Variants in ACOT11 observed in about 807,000 individuals in gnomAD.
The protein encoded by ACOT11 is acyl-CoA thioesterase 11.
ACOT11 carries 69 observed loss-of-function variants against 77.5 expected under a neutral mutation model. That is an observed-to-expected ratio of 0.89 (90% CI 0.73 to 1.09). The LOEUF is 1.09. Ranked by LOEUF, ACOT11 falls within the 50% of genes least tolerant of loss-of-function variation. The pLI is 0.00. For missense variants in ACOT11, 766 were observed against 813.7 expected (o/e 0.94, Z 0.71); for synonymous variants, 279 against 313.0 (o/e 0.89, Z 1.15).
chr1:54,592,981 G>T (rs1654765526), intron 4 of ACOT11, among the ~76,000 whole-genome samples: 2 of 152,224 alleles, frequency 1.3e-5, no homozygotes, highest in Non-Finnish European at 2.9e-5. Flanking sequence ...GGGGCAGGGA[G>T]AGTGCTGGGT....
chr1:54,615,982 G>A lies in ACOT11; in HGVS notation c.1629+7914G>A, dbSNP rs1262291777. ...TGCACATGCTGCCCCAGGGCCAGAG[G>A]GCTGGGGGCCGGAGAGGGTTTCCAG... is the stretch of plus-strand genomic sequence containing the variant. On this transcript the variant is annotated intron_variant, in intron 15 of 16. Transcript: ENST00000371316. 4 of 1,607,728 alleles carry A rather than the reference G, an allele frequency of 2.5e-6. No individual in the cohort carries two copies. In the East Asian group the frequency reaches 6.7e-5, roughly 27 times the overall value.
rs1234305189 is a variant in ACOT11 at position 54,607,951 on chromosome 1, T to C, written c.1512T>C (p.Tyr504=). ...CCCTTCCTTCACTCAGGGACCCCTA[T>C]GTCATCGCGCTGAGGTCGGTCACGC... ...RRKPCDNGDP[Y]VIALRSVTLP... The change falls in exon 15 of 16, where the codon TAT becomes TAC. Residue 504 remains tyrosine, a synonymous_variant. Coordinates refer to ENST00000343744, the MANE Select transcript of ACOT11 (RefSeq NM_147161.4). This position sits in a 1 kb window ranked among gnomAD's most constrained non-coding sequence, Gnocchi z 4.5. The C allele has an allele frequency of 1.2e-6, 2 of 1,613,780 alleles. No homozygotes were observed. The highest frequency in any genetic ancestry group is 1.1e-5 in the South Asian group (1 of 91,066).
At chr1:54,623,981 A>G (rs939358043) in intron 15 of ACOT11, among the ~76,000 whole-genome samples, 3 of 152,212 alleles carry the variant, frequency 2.0e-5, no homozygotes, top group Admixed American at 1.3e-4. Context: ...ATCTGAGATT[A>G]TGGTTAACAG....
At chr1:54,576,491 TAAAAA>T (rs71581820) in intron 1 of ACOT11, among the ~76,000 whole-genome samples, 3 of 68,370 alleles carry the variant, frequency 4.4e-5, no homozygotes, top group East Asian at 7.3e-4. Context: ...GAGCAAGATC[TAAAAA>T]AAAAAAAAAA....
At chr1:54,568,957 T>A (rs534660596) in intron 1 of ACOT11, among the ~76,000 whole-genome samples, 2 of 151,560 alleles carry the variant, frequency 1.3e-5, no homozygotes, top group South Asian at 2.1e-4. Flanking sequence ...AATAAAAAAT[T>A]AAAATTAGCT....
intron 3 of ACOT11, among the ~76,000 whole-genome samples, chr1:54,589,272 C>A (rs1448276654): frequency 6.6e-6 from 1 of 150,412 alleles, no homozygotes; most frequent in Non-Finnish European, 1.5e-5. Flanking sequence ...TTACCTTGGC[C>A]TCCCAAAGTG....
chr1:54,602,530 G>C, intron 9 of ACOT11, 139 bp from the exon 10 acceptor site: 1 of 772,868 alleles, frequency 1.3e-6, no homozygotes, highest in South Asian at 2.7e-5. Flanking sequence ...TTGCTGGCCA[G>C]GATGTTTTGA....
intron 1 of ACOT11, among the ~76,000 whole-genome samples, chr1:54,561,194 A>G (rs2100945744): frequency 7.1e-6 from 1 of 140,046 alleles, no homozygotes; most frequent in South Asian, 2.5e-4. Flanking sequence ...AGGGAAGGTC[A>G]GCAGATAAAC....
At chr1:54,562,912 C>G (rs2100950202) in intron 1 of ACOT11, among the ~76,000 whole-genome samples, 1 of 142,082 alleles carries the variant, frequency 7.0e-6, no homozygotes, top group East Asian at 2.1e-4. Context: ...AGACGCTCCT[C>G]ACTTTCCAGA....
chr1:54,606,920 A>G (rs1644032870), intron 13 of ACOT11, among the ~76,000 whole-genome samples: 1 of 152,196 alleles, frequency 6.6e-6, no homozygotes, highest in African/African-American at 2.4e-5. Context: ...ACTTGCATGC[A>G]TGTCTACATG....
At chr1:54,615,403 T>TA (rs1305879458) in intron 15 of ACOT11, among the ~76,000 whole-genome samples, 1 of 152,092 alleles carries the variant, frequency 6.6e-6, no homozygotes, top group African/African-American at 2.4e-5. Context: ...CACGGAGGGT[T>TA]AAAAGAGAGG....
At chr1:54,580,346 A>T (rs2100973550) in intron 1 of ACOT11, among the ~76,000 whole-genome samples, 1 of 152,150 alleles carries the variant, frequency 6.6e-6, no homozygotes, top group East Asian at 1.9e-4. Flanking sequence ...CTGTGATCTC[A>T]GCTGGCTTAT....
rs1421326459 is a variant in ACOT11 at position 54,597,394 on chromosome 1, A to ATG, written c.746_747dup (p.Ala250TrpfsTer16). The ATG allele has an allele frequency of 5.0e-6, 8 of 1,613,082 alleles. No individual in the cohort carries two copies. The highest frequency in any genetic ancestry group is 5.1e-6 in the Non-Finnish European group (6 of 1,179,714). ...GGCCAGATCATGGCCTGGATGGAGA[A>ATG]TGTGGCCACCATTGCAGCCAGGTGA... On this transcript the variant is annotated frameshift_variant, in exon 7 of 16. Coordinates refer to ENST00000343744, the MANE Select transcript of ACOT11 (RefSeq NM_147161.4). LOFTEE classifies it high-confidence loss of function.
At chr1:54,595,530 C>T (rs1654870123) in intron 6 of ACOT11, among the ~76,000 whole-genome samples, 1 of 152,144 alleles carries the variant, frequency 6.6e-6, no homozygotes, top group Non-Finnish European at 1.5e-5. Flanking sequence ...TCCCCAGAAG[C>T]ATCTACTATT....
In ACOT11 at chr1:54,597,341, C is replaced by G. The variant is rs750416407; in HGVS notation, c.690C>G (p.His230Gln). Residue 230 changes from histidine to glutamine, a missense_variant, in exon 7 of 16, where the codon CAC (histidine) becomes CAG (glutamine). Coordinates refer to ENST00000343744, the MANE Select transcript of ACOT11 (RefSeq NM_147161.4). ...GTGTGGAGCTGGTCCTGCCTCCCCA[C>G]GCCAATCACCAGGGCAACACCTTTG... ...VESVELVLPP[H>Q]ANHQGNTFGG... is the part of the protein sequence containing the mutation. 2 of 1,613,948 alleles carry G rather than the reference C, an allele frequency of 1.2e-6. No homozygotes were observed. The highest frequency in any genetic ancestry group is 1.7e-6 in the Non-Finnish European group (2 of 1,179,998).
At chr1:54,610,461 C>T, downstream of ACOT11, 1 of 1,613,170 alleles carries the variant, frequency 6.2e-7, no homozygotes, top group African/African-American at 1.3e-5. Context: ...CGTCAGGAAC[C>T]AGCCACTCCA....
At chr1:54,589,981 C>T (rs930461514) in intron 3 of ACOT11, among the ~76,000 whole-genome samples, 7 of 151,708 alleles carry the variant, frequency 4.6e-5, no homozygotes, top group South Asian at 2.1e-4. Flanking sequence ...CCAGCTACTC[C>T]GGAGGCTAAG....
In ACOT11 at chr1:54,585,197, C is replaced by G. The variant is rs1321413588; in HGVS notation, c.241+335C>G. Among the ~76,000 whole-genome samples, 3 of 152,190 alleles carry G rather than the reference C, an allele frequency of 2.0e-5. No homozygotes were observed. The South Asian group carries it at 6.2e-4, about 32-fold the overall frequency. The stretch of plus-strand genomic sequence containing the variant: ...GACTGCCTGCCCTGCAGCGCTCCTT[C>G]CCTTGAGTTGAGGTGCGCTGGACTG... On this transcript the variant is annotated intron_variant, in intron 2 of 15. Coordinates refer to ENST00000343744, the MANE Select transcript of ACOT11 (RefSeq NM_147161.4).
chr1:54,600,318 G>A (rs956236186), intron 8 of ACOT11, among the ~76,000 whole-genome samples: 5 of 152,096 alleles, frequency 3.3e-5, no homozygotes, highest in African/African-American at 7.2e-5. Flanking sequence ...TCTATATAAT[G>A]TCCACACTCT....
Sources: allele counts gnomAD v4.1 joint callset (sites outside exome capture counted in the v4.1 genomes callset), GRCh38; gene constraint gnomAD v4.1.1; non-coding constraint Gnocchi (gnomAD v3.1); transcripts MANE v1.5; gene names NCBI Gene and HGNC (gene_info 2026-07-23, HGNC 2026-07-21).